DSG3: variants seen among roughly 807,000 people sequenced by gnomAD.
DSG3 encodes the protein desmoglein 3, also known as desmoglein-3.
In DSG3, 63 loss-of-function variants were observed where a neutral mutation model predicts 85.9. That is an observed-to-expected ratio of 0.73 (90% CI 0.60 to 0.90). The LOEUF (loss-of-function observed/expected upper bound fraction) is 0.90. Ranked by LOEUF, DSG3 falls within the 40% of genes least tolerant of loss-of-function variation. The pLI, the probability that DSG3 is intolerant of heterozygous loss-of-function variation, is 0.00. For missense variants in DSG3, 1,220 were observed against 1,219.9 expected, an observed-to-expected ratio of 1.00 and a Z score of 0.00; for synonymous variants, 447 against 441.9, an observed-to-expected ratio of 1.01 and a Z score of -0.14.
intron 1 of DSG3, among the ~76,000 whole-genome samples, chr18:31,452,517 CAAAAAAAAAAAAAA>C (rs35886860): frequency 3.9e-5 from 2 of 51,838 alleles, no homozygotes; most frequent in African/African-American, 1.1e-4. Flanking sequence ...GACTCCGTCT[CAAAAAAAAAAAAAA>C]AAAAAAAAAA....
intron 15 of DSG3, among the ~76,000 whole-genome samples, 185 bp downstream of exon 15, chr18:31,474,589 T>A (rs111523981): frequency 8.5e-4 from 130 of 152,244 alleles, no homozygotes; most frequent in African/African-American, 2.9e-3. Flanking sequence ...ATCGGGTCAC[T>A]GATCAAAAGA....
rs1405626377 is a variant in DSG3, at chr18:31,474,358, C to T, written c.2339C>T (p.Ala780Val). The part of the protein sequence containing the change: ...HSTGGTNKDY[A>V]DGAISMNFLD... ...ACTGGAGGAACCAATAAGGACTACG[C>T]TGATGGGGCGATAAGCATGAATTTT... The change falls in exon 15 of 16, where the codon GCT becomes GTT. Residue 780 changes from alanine to valine, a missense_variant. Transcript: ENST00000257189. 1 of 1,613,886 alleles carries T rather than the reference C, an allele frequency of 6.2e-7. No homozygotes were observed. The highest frequency in any genetic ancestry group is 8.5e-7 in the Non-Finnish European group (1 of 1,179,858).
At chr18:31,457,888 C>G (rs546376487) in intron 3 of DSG3, among the ~76,000 whole-genome samples, 31 of 152,128 alleles carry the variant, frequency 2.0e-4, no homozygotes, top group African/African-American at 6.0e-4. Context: ...CTCGGCCTCC[C>G]AAAGTGCTTG....
intron 1 of DSG3, among the ~76,000 whole-genome samples, chr18:31,454,069 C>T (rs2072727137): frequency 6.6e-6 from 1 of 152,050 alleles, no homozygotes; most frequent in Non-Finnish European, 1.5e-5. Flanking sequence ...TAATGTAAGG[C>T]TGTGCTGTCC....
intron 1 of DSG3, among the ~76,000 whole-genome samples, chr18:31,449,102 T>G (rs1465464386): frequency 6.6e-6 from 1 of 152,186 alleles, no homozygotes; most frequent in Non-Finnish European, 1.5e-5. Context: ...TTTGCCATGT[T>G]GACCAGTCTA....
Position 31,460,843 on chromosome 18 carries a change from G to A in DSG3, c.695G>A (p.Ser232Asn), listed in dbSNP as rs1472886947. 1.3e-6 allele frequency: 2 copies of A among 1,579,734 alleles called. No individual in the cohort carries two copies. Among genetic ancestry groups the A allele is most frequent in the Non-Finnish European group, 1.7e-6 (2 of 1,169,766 alleles). Reference protein sequence around the residue: ...TNSLDREQASSYRLVVSGADK... With the variant: ...TNSLDREQASNYRLVVSGADK... ...TTTATCCAAAATTAGCAAGCTAGCA[G>A]CTATCGTCTGGTTGTGAGTGGTGCA... The change falls in exon 7 of 16, where the codon AGC becomes AAC. Residue 232 changes from serine (S) to asparagine (N), a missense_variant. Ser to Asn is a conservative substitution (Grantham distance 46). Coordinates refer to ENST00000257189, the MANE Select transcript of DSG3 (RefSeq NM_001944.3).
In DSG3 at chr18:31,461,210, G is replaced by C. The variant is rs757510004; in HGVS notation, c.814-17G>C. ...AACCTGTCATTAGGTCTTTAATTCTGCTTCTCGCCTTTTCAGTATTCAGCA... is the reference window on the plus strand; with the variant it reads ...AACCTGTCATTAGGTCTTTAATTCTCCTTCTCGCCTTTTCAGTATTCAGCA... On this transcript the variant is annotated splice_polypyrimidine_tract_variant and intron_variant, in intron 7 of 15. Transcript: ENST00000257189. 6.3e-7 allele frequency: 1 copy of C among 1,598,962 alleles called. No homozygotes were observed. Among genetic ancestry groups the C allele is most frequent in the Non-Finnish European group, 8.5e-7 (1 of 1,172,654 alleles).
rs748127324 is a variant in DSG3 at position 31,472,330 on chromosome 18, T to TG, written c.1949dup (p.Val651SerfsTer10). ...CCTGTGACTGTGGGGCAGGTTCTAC[T>TG]GGGGGAGTGACAGGTGGTTTTATCC... On this transcript the variant is annotated frameshift_variant, in exon 13 of 16. Transcript: ENST00000257189. LOFTEE classifies it high-confidence loss of function. 6.2e-7 allele frequency: 1 copy of TG among 1,614,152 alleles called. No homozygotes were observed. The highest frequency in any genetic ancestry group is 2.2e-5 in the East Asian group (1 of 44,878).
intron 12 of DSG3, among the ~76,000 whole-genome samples, chr18:31,470,057 T>C (rs2072846411): frequency 6.6e-6 from 1 of 152,048 alleles, no homozygotes; most frequent in Admixed American, 6.6e-5. Flanking sequence ...GTAAAATTTA[T>C]TCAATAGATA....
chr18:31,468,744 AG>A (rs2072837056), intron 11 of DSG3, among the ~76,000 whole-genome samples: 1 of 152,180 alleles, frequency 6.6e-6, no homozygotes, highest in Non-Finnish European at 1.5e-5. Flanking sequence ...GAGACCTGTA[AG>A]AGGAAATGAG....
chr18:31,452,756 C>T (rs2144261026), intron 1 of DSG3, among the ~76,000 whole-genome samples: 1 of 152,146 alleles, frequency 6.6e-6, no homozygotes, highest in African/African-American at 2.4e-5. Flanking sequence ...GGAATGTTCC[C>T]AAGTTATATG....
intron 1 of DSG3, among the ~76,000 whole-genome samples, chr18:31,455,322 C>T (rs1229951467): frequency 6.6e-6 from 1 of 151,626 alleles, no homozygotes; most frequent in Non-Finnish European, 1.5e-5. Context: ...ACTTATTTTC[C>T]ACCATTATTT....
At chr18:31,451,396 A>C (rs539326273) in intron 1 of DSG3, among the ~76,000 whole-genome samples, 1 of 152,316 alleles carries the variant, frequency 6.6e-6, no homozygotes, top group Admixed American at 6.5e-5. Context: ...AATTTTTTTA[A>C]AGAAGTTGGT....
rs35293326 is a variant in DSG3, at chr18:31,466,467, T to G, written c.1412-63T>G. 153,118 of 1,414,236 alleles carry G rather than the reference T, an allele frequency of 0.11. 8,751 individuals are homozygous for G. Among genetic ancestry groups the G allele is most frequent in the Non-Finnish European group, 0.11 (114,068 of 1,006,454 alleles). The allele number at this position is 1,414,236 out of a possible 1,614,324, so 87.6% of individuals were successfully genotyped here. The stretch of plus-strand genomic sequence containing the variant: ...CTACAGAAAAGAGAAATGTAAAAGA[T>G]TCTCCTTTTTTGTACAACTTTGTTC... On this transcript the variant is annotated intron_variant, in intron 10 of 15. Coordinates refer to ENST00000257189, the MANE Select transcript of DSG3 (RefSeq NM_001944.3).
chr18:31,457,523 C>G (rs767476199), intron 3 of DSG3, among the ~76,000 whole-genome samples: 20 of 105,978 alleles, frequency 1.9e-4, no homozygotes, highest in Admixed American at 1.5e-3. Context: ...ATACTATTCT[C>G]TTTCTTTCTT....
rs763323739 is a variant in DSG3 at position 31,459,187 on chromosome 18, T to C, written c.517+10T>C. ...GAAAATAGTGCCTCAAGTAAGTCTT[T>C]TACAGTACTTACCACTTTCAGTTTA... On this transcript the variant is annotated intron_variant, in intron 5 of 15. Coordinates refer to ENST00000257189, the MANE Select transcript of DSG3 (RefSeq NM_001944.3). The C allele has an allele frequency of 1.1e-5, 17 of 1,608,296 alleles. No homozygotes were observed. In the East Asian group the frequency reaches 3.8e-4, roughly 36 times the overall value.
rs576241423 is a variant in DSG3, at chr18:31,458,301, T to A, written c.217-144T>A. 8 of 826,158 alleles carry A rather than the reference T, an allele frequency of 9.7e-6. No homozygotes were observed. In the East Asian group the frequency reaches 2.0e-4, roughly 21 times the overall value. 51.2% of individuals were successfully genotyped at this position (826,158 alleles called of 1,614,324 possible). On this transcript the variant is annotated intron_variant, in intron 3 of 15. Coordinates refer to ENST00000257189, the MANE Select transcript of DSG3 (RefSeq NM_001944.3). Reference sequence around the variant, plus strand: ...GTTTGATTTTATTTCATATTCCTAGTATCTATCAAGGCAAAAAGTAAATGG... The same window carrying A: ...GTTTGATTTTATTTCATATTCCTAGAATCTATCAAGGCAAAAAGTAAATGG...
At chr18:31,472,135 T>C in intron 12 of DSG3, 149 bp from the exon 13 acceptor site, 2 of 1,023,580 alleles carry the variant, frequency 2.0e-6, no homozygotes, top group Non-Finnish European at 2.8e-6. Context: ...CCAAGTTTCA[T>C]TTGTAGAAAC....
intron 8 of DSG3, 78 bp from the exon 9 acceptor site, chr18:31,464,033 T>C: frequency 1.4e-5 from 18 of 1,296,260 alleles, no homozygotes; most frequent in Non-Finnish European, 1.9e-5. Flanking sequence ...GCATCTTGCA[T>C]AGTGTGCTGT....
Sources: gnomAD v4.1 joint callset for allele counts (sites outside exome capture counted in the v4.1 genomes callset) on GRCh38, gnomAD v4.1.1 for gene constraint, MANE v1.5 for transcripts, NCBI Gene and HGNC (gene_info 2026-07-23, HGNC 2026-07-21) for gene names.